Variants in KCTD5 observed in about 807,000 individuals in gnomAD.
The protein encoded by KCTD5 is potassium channel tetramerization domain containing 5.
KCTD5 carries 12 observed loss-of-function variants against 27.9 expected under a neutral mutation model. The ratio of observed to expected loss-of-function variants is 0.43; its 90% confidence interval spans 0.28 to 0.70. KCTD5 has a LOEUF of 0.70. Ranked by LOEUF, KCTD5 falls within the 30% of genes least tolerant of loss-of-function variation. The pLI, the probability that KCTD5 is intolerant of heterozygous loss-of-function variation, is 0.19. For missense variants in KCTD5, 226 were observed against 274.8 expected, an observed-to-expected ratio of 0.82 and a Z score of 1.26; for synonymous variants, 147 against 121.4, an observed-to-expected ratio of 1.21 and a Z score of -1.39.
intron 1 of KCTD5, among the ~76,000 whole-genome samples, chr16:2,693,484 C>T (rs74428169): frequency 0.025 from 3,809 of 152,346 alleles, 155 homozygotes; most frequent in African/African-American, 0.088. Flanking sequence ...CAGCGGCCTA[C>T]CCCTGCCTGC....
intron 1 of KCTD5, 172 bp downstream of exon 1, chr16:2,682,972 C>G (rs139783497): frequency 1.4e-6 from 1 of 729,210 alleles, no homozygotes; most frequent in South Asian, 2.4e-5. Context: ...CGATCCCCTA[C>G]CCTGGGAGGG....
At chr16:2,701,721 G>A (rs1444160955) in intron 4 of KCTD5, among the ~76,000 whole-genome samples, 1 of 152,242 alleles carries the variant, frequency 6.6e-6, no homozygotes, top group Non-Finnish European at 1.5e-5. Flanking sequence ...ATTGTGATTT[G>A]CGTATTGCCT....
chr16:2,699,309 G>A (rs1331971368), intron 3 of KCTD5: 1 of 439,362 alleles, frequency 2.3e-6, no homozygotes, highest in Non-Finnish European at 4.6e-6. Flanking sequence ...AAGCGTGCCA[G>A]GCAGGTGGGG....
chr16:2,702,971 C>G (rs527558907), intron 5 of KCTD5, among the ~76,000 whole-genome samples: 1 of 130,318 alleles, frequency 7.7e-6, no homozygotes, highest in East Asian at 2.0e-4. Flanking sequence ...TCATCTTTGT[C>G]GAGAGGAGGG....
chr16:2,706,140 G>C (rs2067634757), intron 5 of KCTD5, among the ~76,000 whole-genome samples: 2 of 152,208 alleles, frequency 1.3e-5, no homozygotes, highest in Non-Finnish European at 2.9e-5. Flanking sequence ...CGAGCTAGAA[G>C]TGGTCCAGGG....
At chr16:2,697,744 C>T (rs768201148) in intron 2 of KCTD5, among the ~76,000 whole-genome samples, 162 bp from the exon 3 acceptor site, 4 of 152,186 alleles carry the variant, frequency 2.6e-5, no homozygotes, top group Non-Finnish European at 2.9e-5. Flanking sequence ...TGGGCTGACA[C>T]GTCTGCAGGA....
intron 3 of KCTD5, chr16:2,699,052 C>T (rs2067599424): frequency 2.3e-6 from 1 of 443,260 alleles, no homozygotes; most frequent in Non-Finnish European, 4.5e-6. Flanking sequence ...GACCTCGAGG[C>T]CACTGTGTGC....
At chr16:2,693,318 C>T (rs575122407) in intron 1 of KCTD5, among the ~76,000 whole-genome samples, 6 of 152,244 alleles carry the variant, frequency 3.9e-5, no homozygotes, top group African/African-American at 1.2e-4. Context: ...GCAGCTGCAC[C>T]AGTTGGCCTG....
intron 5 of KCTD5, among the ~76,000 whole-genome samples, chr16:2,704,190 G>A (rs974642573): frequency 6.6e-6 from 1 of 152,226 alleles, no homozygotes; most frequent in African/African-American, 2.4e-5. Context: ...CTTCTTGATG[G>A]GGGTGGTGTC....
intron 3 of KCTD5, among the ~76,000 whole-genome samples, chr16:2,698,866 A>G (rs1596224253): frequency 6.6e-6 from 1 of 152,170 alleles, no homozygotes; most frequent in Non-Finnish European, 1.5e-5. Context: ...CACCTTGTCC[A>G]GTCTGCTTTT....
intron 1 of KCTD5, among the ~76,000 whole-genome samples, chr16:2,690,158 C>G (rs1270191947): frequency 6.6e-6 from 1 of 152,256 alleles, no homozygotes. Context: ...GAGTGTTGCT[C>G]TCCTGACCAG....
At chr16:2,693,027 G>A (rs2067573563) in intron 1 of KCTD5, among the ~76,000 whole-genome samples, 1 of 152,244 alleles carries the variant, frequency 6.6e-6, no homozygotes. Context: ...GCAGCCCCAG[G>A]CAGCCCCACG....
At chr16:2,687,703 C>CT (rs2067546298) in intron 1 of KCTD5, among the ~76,000 whole-genome samples, 1 of 152,184 alleles carries the variant, frequency 6.6e-6, no homozygotes, top group Non-Finnish European at 1.5e-5. Flanking sequence ...CCAGGGACTC[C>CT]TTTTCAGACA....
At chr16:2,689,882 G>C (rs1360726015) in intron 1 of KCTD5, among the ~76,000 whole-genome samples, 2 of 152,196 alleles carry the variant, frequency 1.3e-5, no homozygotes, top group African/African-American at 4.8e-5. Flanking sequence ...CACCATGTTG[G>C]TCAGGCTGGT....
At position 2,701,667 on chromosome 16, in the gene KCTD5, C is replaced by T. The variant is rs117900625; in HGVS notation, c.550-686C>T. Among the ~76,000 whole-genome samples, 528 of 152,348 alleles carry T rather than the reference C, an allele frequency of 3.5e-3. 2 individuals are homozygous for T. The highest frequency in any genetic ancestry group is 5.7e-3 in the Non-Finnish European group (391 of 68,030). ...CTTAGAGAGGCCAAAGTGTGAGCCTCGTCCAGCTGCTTTTTGGCTTGGTCA... is the reference window on the plus strand; with the variant it reads ...CTTAGAGAGGCCAAAGTGTGAGCCTTGTCCAGCTGCTTTTTGGCTTGGTCA... On this transcript the variant is annotated intron_variant, in intron 4 of 5. Transcript: ENST00000301738.
intron 5 of KCTD5, among the ~76,000 whole-genome samples, chr16:2,703,179 T>A (rs3094471): frequency 6.6e-6 from 1 of 152,036 alleles, no homozygotes; most frequent in Non-Finnish European, 1.5e-5. Context: ...GGTGACCCAT[T>A]CTGGTGGCAT....
At chr16:2,701,868 G>A (rs2067613409) in intron 4 of KCTD5, among the ~76,000 whole-genome samples, 2 of 152,210 alleles carry the variant, frequency 1.3e-5, no homozygotes, top group Admixed American at 1.3e-4. Context: ...GAGGGAGGCA[G>A]GTTGGAGTGG....
chr16:2,698,498 G>A (rs539264326), intron 3 of KCTD5, among the ~76,000 whole-genome samples: 1 of 152,362 alleles, frequency 6.6e-6, no homozygotes, highest in South Asian at 2.1e-4. Context: ...TGCAGCCAGG[G>A]GAGCCCAGGT....
At chr16:2,704,422 G>A (rs1175960890) in intron 5 of KCTD5, among the ~76,000 whole-genome samples, 1 of 152,252 alleles carries the variant, frequency 6.6e-6, no homozygotes, top group Non-Finnish European at 1.5e-5. Flanking sequence ...GAGCCTGGGT[G>A]GTGGGGCGGG....
Sources: gnomAD v4.1 joint callset for allele counts (sites outside exome capture counted in the v4.1 genomes callset) on GRCh38, gnomAD v4.1.1 for gene constraint, MANE v1.5 for transcripts, NCBI Gene and HGNC (gene_info 2026-07-23, HGNC 2026-07-21) for gene names.